The following DPP10 variants were observed in gnomAD, a reference collection of about 807,000 sequenced individuals.
DPP10 encodes inactive dipeptidyl peptidase 10.
A neutral mutation model predicts 120.9 loss-of-function variants in DPP10; 33 were observed. The observed-to-expected ratio is 0.27, with a 90% CI of 0.21 to 0.37. The LOEUF (loss-of-function observed/expected upper bound fraction) is 0.37. DPP10 is among the 10% of genes least tolerant of loss of function. The pLI is 1.00. For missense variants in DPP10, 816 were observed against 942.8 expected, an observed-to-expected ratio of 0.87 and a Z score of 1.76; for synonymous variants, 337 against 326.1, an observed-to-expected ratio of 1.03 and a Z score of -0.36.
rs986467536 is a variant in DPP10, at chr2:115,653,599, A to G, written c.442-36088A>G. 4.0e-5 allele frequency among the ~76,000 whole-genome samples: 6 copies of G among 151,822 alleles called. No homozygotes were observed. The South Asian group carries it at 1.2e-3, about 32-fold the overall frequency. ...ATACAATAAATTCTATCCACAATCA[A>G]CTTCTCATAATTTTCCGGAAACACA... On this transcript the variant is annotated intron_variant, in intron 5 of 25. Coordinates refer to ENST00000410059, the MANE Select transcript of DPP10 (RefSeq NM_020868.6).
At chr2:115,033,359 C>T (rs899544981) in intron 1 of DPP10, among the ~76,000 whole-genome samples, 54 of 152,314 alleles carry the variant, frequency 3.5e-4, no homozygotes, top group Non-Finnish European at 6.6e-4. Flanking sequence ...TCTCCACTCT[C>T]CTGACCTTCT....
At chr2:115,207,637 A>G (rs2105332219) in intron 1 of DPP10, among the ~76,000 whole-genome samples, 1 of 152,306 alleles carries the variant, frequency 6.6e-6, no homozygotes, top group African/African-American at 2.4e-5. Flanking sequence ...TGTCCCTGTG[A>G]TGCCACAGAG....
At position 115,540,825 on chromosome 2, in the gene DPP10, A is replaced by G. The variant is rs184656580; in HGVS notation, c.441+14853A>G. On this transcript the variant is annotated intron_variant, in intron 5 of 25. Coordinates refer to ENST00000410059, the MANE Select transcript of DPP10 (RefSeq NM_020868.6). ...TTCTCTTCATAAAGAATAGAAGAGC[A>G]CTTTTTTGCAGTTGAATTTCATTTA... 4.8e-3 allele frequency among the ~76,000 whole-genome samples: 723 copies of G among 151,968 alleles called. 4 individuals carry two copies. The highest frequency in any genetic ancestry group is 0.016 in the African/African-American group (683 of 41,546).
intron 1 of DPP10, among the ~76,000 whole-genome samples, chr2:115,123,826 G>A (rs2049942553): frequency 1.3e-5 from 2 of 152,080 alleles, no homozygotes; most frequent in African/African-American, 4.8e-5. Flanking sequence ...TGTGTTAATA[G>A]ACGTTTGCCC....
intron 1 of DPP10, among the ~76,000 whole-genome samples, chr2:114,592,256 A>T (rs1236482092): frequency 6.6e-6 from 1 of 152,182 alleles, no homozygotes; most frequent in Non-Finnish European, 1.5e-5. Flanking sequence ...TTTCTAGATT[A>T]TGATTTGAGG....
intron 1 of DPP10, among the ~76,000 whole-genome samples, chr2:114,515,557 T>C (rs1684526619): frequency 6.6e-6 from 1 of 152,176 alleles, no homozygotes; most frequent in South Asian, 2.1e-4. Context: ...TAGAAAATAG[T>C]ACAACACCCA....
chr2:115,538,626 A>T lies in DPP10; in HGVS notation c.441+12654A>T, dbSNP rs536385238. On this transcript the variant is annotated intron_variant, in intron 5 of 25. Transcript: ENST00000410059. ...GCATTTTATAAAAATCTGGCTCCCA[A>T]AATGTAGCGTGAAGGATAGTAATGG... Among the ~76,000 whole-genome samples the T allele has an allele frequency of 1.6e-3, 240 of 152,172 alleles. 1 individual carries two copies. The highest frequency in any genetic ancestry group is 3.1e-3 in the Non-Finnish European group (208 of 67,986).
At chr2:114,695,122 A>G (rs1559011430) in intron 1 of DPP10, among the ~76,000 whole-genome samples, 1 of 151,988 alleles carries the variant, frequency 6.6e-6, no homozygotes, top group Non-Finnish European at 1.5e-5. Context: ...TTATTTCCAA[A>G]CTGTTGTTCA....
At chr2:115,217,892 C>T (rs555664907) in intron 1 of DPP10, among the ~76,000 whole-genome samples, 1 of 152,242 alleles carries the variant, frequency 6.6e-6, no homozygotes, top group South Asian at 2.1e-4. Flanking sequence ...TCCAGTATTG[C>T]CTTATCTCAG....
intron 5 of DPP10, among the ~76,000 whole-genome samples, chr2:115,617,559 G>A (rs1214790363): frequency 6.6e-6 from 1 of 151,172 alleles, no homozygotes; most frequent in African/African-American, 2.4e-5. Flanking sequence ...TCTTTTCTAT[G>A]TTTAGATATG....
chr2:114,715,584 C>A (rs1364334113), intron 1 of DPP10, among the ~76,000 whole-genome samples: 1 of 151,604 alleles, frequency 6.6e-6, no homozygotes, highest in African/African-American at 2.4e-5. Flanking sequence ...TACTGAACCT[C>A]CCTGAAATAA....
chr2:115,508,157 G>A (rs1012006432), intron 4 of DPP10, among the ~76,000 whole-genome samples: 2 of 152,002 alleles, frequency 1.3e-5, no homozygotes, highest in Non-Finnish European at 2.9e-5. Flanking sequence ...TTAGAAGCCT[G>A]GTTGAAAAAA....
chr2:114,934,002 CAG>C (rs1314088364), intron 1 of DPP10, among the ~76,000 whole-genome samples: 1 of 152,182 alleles, frequency 6.6e-6, no homozygotes, highest in Non-Finnish European at 1.5e-5. Context: ...TATTCTGAAA[CAG>C]AAAACTTAGA....
chr2:115,739,986 T>C, intron 9 of DPP10, 93 bp downstream of exon 9: 4 of 1,429,036 alleles, frequency 2.8e-6, no homozygotes, highest in Non-Finnish European at 3.9e-6. Flanking sequence ...AAGTTGTCTT[T>C]GGAGGAAAAC....
intron 1 of DPP10, among the ~76,000 whole-genome samples, chr2:114,957,578 C>G (rs765171857): frequency 1.4e-4 from 21 of 152,106 alleles, no homozygotes; most frequent in Non-Finnish European, 2.8e-4. Flanking sequence ...TATGATCCAG[C>G]CATTTCACCT....
chr2:115,571,201 CTT>C (rs905298185), intron 5 of DPP10, among the ~76,000 whole-genome samples: 2 of 152,200 alleles, frequency 1.3e-5, no homozygotes, highest in African/African-American at 4.8e-5. Flanking sequence ...GCCAATCACT[CTT>C]TGTCTTTGAT....
chr2:115,361,538 C>G (rs536908669), intron 3 of DPP10, among the ~76,000 whole-genome samples: 75 of 152,212 alleles, frequency 4.9e-4, no homozygotes, highest in African/African-American at 1.6e-3. Context: ...CCCCCTCATG[C>G]AAAATCTTCT....
At position 115,085,158 on chromosome 2, in the gene DPP10, C is replaced by A. The variant is rs143035990; in HGVS notation, c.61-224081C>A. Among the ~76,000 whole-genome samples, 148 of 152,320 alleles carry A rather than the reference C, an allele frequency of 9.7e-4. 1 individual carries two copies. In the Middle Eastern group the frequency reaches 0.02, roughly 21 times the overall value. On this transcript the variant is annotated intron_variant, in intron 1 of 25. Coordinates refer to ENST00000410059, the MANE Select transcript of DPP10 (RefSeq NM_020868.6). Reference sequence around the variant, plus strand: ...GCATTCTGCAGTTCTGTCTGAATTTCACTCTGTGATTTATTATTTCATTAT... The same window carrying A: ...GCATTCTGCAGTTCTGTCTGAATTTAACTCTGTGATTTATTATTTCATTAT...
chr2:115,118,715 G>C (rs1214335379), intron 1 of DPP10, among the ~76,000 whole-genome samples: 1 of 151,760 alleles, frequency 6.6e-6, no homozygotes, highest in Admixed American at 6.6e-5. Context: ...AAGTAGCTGG[G>C]GCTACAAGCA....
Sources: gnomAD v4.1 joint callset for allele counts (sites outside exome capture counted in the v4.1 genomes callset) on GRCh38, gnomAD v4.1.1 for gene constraint, MANE v1.5 for transcripts, NCBI Gene and HGNC (gene_info 2026-07-23, HGNC 2026-07-21) for gene names.